The following CDH2 variants were observed in gnomAD, a reference collection of about 807,000 sequenced individuals.
CDH2 encodes the protein cadherin-2.
A neutral mutation model predicts 92.0 loss-of-function variants in CDH2; 17 were observed. The ratio of observed to expected loss-of-function variants is 0.18; its 90% CI spans 0.13 to 0.28. The LOEUF (loss-of-function observed/expected upper bound fraction) is 0.28. Among genes scored for constraint, CDH2 ranks in the 10% least tolerant of loss-of-function variants. The pLI, the probability that CDH2 is intolerant of heterozygous loss-of-function variation, is 1.00. For missense variants in CDH2, 862 were observed against 1,133.1 expected (o/e 0.76, Z 3.44); for synonymous variants, 419 against 415.9 (o/e 1.01, Z -0.09).
chr18:27,933,763 G>A (rs1276237430), intron 6 of CDH2, among the ~76,000 whole-genome samples: 6 of 152,152 alleles, frequency 3.9e-5, no homozygotes, highest in South Asian at 2.1e-4. Flanking sequence ...CAAGCTTCAC[G>A]TATTTGGGAT....
chr18:28,097,656 CATAGCTT>C (rs1189445935), intron 2 of CDH2, among the ~76,000 whole-genome samples: 1 of 152,168 alleles, frequency 6.6e-6, no homozygotes, highest in Non-Finnish European at 1.5e-5. Context: ...GGAGGATGCA[CATAGCTT>C]ATATACAAAT....
chr18:27,936,831 G>A (rs1909031365), intron 6 of CDH2, among the ~76,000 whole-genome samples: 1 of 152,124 alleles, frequency 6.6e-6, no homozygotes, highest in Non-Finnish European at 1.5e-5. Context: ...GAGCCACTGT[G>A]CCGCCCCTCT....
At chr18:28,076,558 T>C (rs1360737363) in intron 2 of CDH2, among the ~76,000 whole-genome samples, 2 of 152,164 alleles carry the variant, frequency 1.3e-5, no homozygotes, top group East Asian at 3.9e-4. Flanking sequence ...TTTTAAATTA[T>C]ACTTTAAGTT....
At chr18:27,979,026 A>G (rs2011949179) in intron 14 of CDH2, among the ~76,000 whole-genome samples, 1 of 152,142 alleles carries the variant, frequency 6.6e-6, no homozygotes, top group South Asian at 2.1e-4. Context: ...CAACATAAAA[A>G]ATAATAAAAA....
intron 14 of CDH2, among the ~76,000 whole-genome samples, chr18:27,975,452 C>T (rs1381718334): frequency 6.6e-6 from 1 of 152,230 alleles, no homozygotes. Context: ...ATTTACTCAG[C>T]CTGCTGAGCC....
intron 2 of CDH2, among the ~76,000 whole-genome samples, chr18:28,063,104 A>T (rs1483323144): frequency 1.3e-5 from 2 of 152,218 alleles, no homozygotes; most frequent in Non-Finnish European, 2.9e-5. Context: ...GTATGTCCTC[A>T]TAAGTCTTTG....
At chr18:28,094,978 TATAAC>T (rs2144220291) in intron 2 of CDH2, among the ~76,000 whole-genome samples, 2 of 152,210 alleles carry the variant, frequency 1.3e-5, no homozygotes, top group South Asian at 2.1e-4. Context: ...TATGACATGT[TATAAC>T]ATATGTTTTC....
At chr18:28,011,571 T>A (rs2013100435) in intron 4 of CDH2, among the ~76,000 whole-genome samples, 1 of 152,198 alleles carries the variant, frequency 6.6e-6, no homozygotes, top group Admixed American at 6.5e-5. Flanking sequence ...TGGGAATATG[T>A]GTTGGCTTTA....
rs1189715450 is a variant in CDH2 at position 28,177,109 on chromosome 18, A to G, written c.-87T>C. 38 of 1,001,058 alleles carry G rather than the reference A, an allele frequency of 3.8e-5. No homozygotes were observed. The highest frequency in any genetic ancestry group is 5.3e-5 in the Non-Finnish European group (37 of 700,930). The allele number at this position is 1,001,058 out of a possible 1,614,324, so 62.0% of individuals were successfully genotyped here. A position where few individuals can be genotyped will look rare whatever the true frequency, so the allele number is the denominator to read the frequency against. On this transcript the variant is annotated 5_prime_UTR_variant, in exon 1 of 16. Transcript: ENST00000269141. ...AGGAGGAGGAGGCAGCGGCAGCACC[A>G]ACAGCGGCGCGGAGAAACGGCTCCA...
chr18:28,059,786 C>A (rs758354596), intron 2 of CDH2, among the ~76,000 whole-genome samples: 35 of 152,310 alleles, frequency 2.3e-4, no homozygotes, highest in Non-Finnish European at 3.7e-4. Flanking sequence ...TATTATATAT[C>A]TGAACACACA....
In CDH2 at chr18:27,952,235, C is replaced by G. The variant is rs199787442; in HGVS notation, c.2639G>C (p.Gly880Ala). ...LSSLNSSSSG[G>A]EQDYDYLNDW... ...GTTCAGGTAATCATAGTCCTGCTCA[C>G]CACCACTACTTGAGGAATTAAGGGA... Residue 880 changes from glycine (G) to alanine (A), a missense_variant, in exon 16 of 16, where the codon GGT (glycine) becomes GCT (alanine). By Grantham distance (60) the Gly-to-Ala change is moderately conservative. Transcript: ENST00000269141. The G allele has an allele frequency of 6.2e-6, 10 of 1,613,538 alleles. No individual in the cohort carries two copies. The African/African-American group carries it at 1.2e-4, about 19-fold the overall frequency.
In CDH2 at chr18:27,985,628, T is replaced by A; in HGVS notation, c.1875A>T (p.Ala625=). ...CATTTGGATCAATGTCATAATCAAG[T>A]GCTGTAATATTAATTGAATTGGGGT... ...TPDPNSINIT[A]LDYDIDPNAG... is the part of the protein sequence containing the mutation. Residue 625 remains alanine (A), a synonymous_variant, in exon 12 of 16, where the codon GCA becomes GCT. Transcript: ENST00000269141. The A allele has an allele frequency of 6.2e-7, 1 of 1,613,838 alleles. No individual in the cohort carries two copies. The highest frequency in any genetic ancestry group is 8.5e-7 in the Non-Finnish European group (1 of 1,179,758).
intron 2 of CDH2, among the ~76,000 whole-genome samples, chr18:28,068,715 A>C (rs1179243927): frequency 2.0e-5 from 3 of 152,204 alleles, no homozygotes; most frequent in Non-Finnish European, 4.4e-5. Context: ...TTAAGAGTAC[A>C]CTTGGTTTTA....
intron 2 of CDH2, among the ~76,000 whole-genome samples, chr18:28,091,010 C>T (rs11564394): frequency 0.031 from 4,741 of 152,178 alleles, 96 homozygotes; most frequent in Non-Finnish European, 0.045. Context: ...GCTAGTCCTC[C>T]GGGCAGTTTA....
intron 2 of CDH2, among the ~76,000 whole-genome samples, chr18:28,117,748 G>A (rs1282007833): frequency 2.6e-5 from 4 of 152,012 alleles, no homozygotes; most frequent in South Asian, 2.1e-4. Context: ...CAGTAACCAC[G>A]TAGTGCAAAG....
intron 2 of CDH2, among the ~76,000 whole-genome samples, chr18:28,135,633 C>T (rs1032844972): frequency 2.6e-5 from 4 of 152,138 alleles, no homozygotes; most frequent in African/African-American, 9.7e-5. Flanking sequence ...TTGTCTTCTG[C>T]ATCAATAGAA....
intron 2 of CDH2, among the ~76,000 whole-genome samples, chr18:28,114,456 A>C (rs1025560136): frequency 2.6e-5 from 4 of 152,164 alleles, no homozygotes; most frequent in Admixed American, 2.6e-4. Context: ...AACAGTATAT[A>C]AACAGAAACA....
At chr18:27,970,767 A>G (rs2011636137) in intron 14 of CDH2, among the ~76,000 whole-genome samples, 1 of 152,182 alleles carries the variant, frequency 6.6e-6, no homozygotes, top group Non-Finnish European at 1.5e-5. Flanking sequence ...GATAGTAAAT[A>G]TTAATATGTT....
At chr18:28,074,145 G>A (rs940161279) in intron 2 of CDH2, among the ~76,000 whole-genome samples, 1 of 152,058 alleles carries the variant, frequency 6.6e-6, no homozygotes, top group African/African-American at 2.4e-5. Flanking sequence ...TGAACAAAGA[G>A]GTACAAAGTA....
Sources: gnomAD v4.1 joint callset for allele counts (sites outside exome capture counted in the v4.1 genomes callset) on GRCh38, gnomAD v4.1.1 for gene constraint, MANE v1.5 for transcripts, NCBI Gene and HGNC (gene_info 2026-07-23, HGNC 2026-07-21) for gene names.